ATG7: variants seen among roughly 807,000 people sequenced by gnomAD.
ATG7 encodes autophagy related 7.
ATG7 carries 70 observed loss-of-function variants against 82.4 expected under a neutral mutation model. That is an observed-to-expected ratio of 0.85 (90% CI 0.70 to 1.04). ATG7 has a LOEUF of 1.04. Among genes scored for constraint, ATG7 ranks in the 50% least tolerant of loss-of-function variants. ATG7 has a pLI of 0.00. For missense variants in ATG7, 792 were observed against 864.3 expected, an observed-to-expected ratio of 0.92 and a Z score of 1.05; for synonymous variants, 287 against 313.0, an observed-to-expected ratio of 0.92 and a Z score of 0.88.
intron 18 of ATG7, among the ~76,000 whole-genome samples, chr3:11,372,605 A>G (rs1217582970): frequency 6.6e-6 from 1 of 150,990 alleles, no homozygotes; most frequent in African/African-American, 2.4e-5. Flanking sequence ...GCCTTCTCCC[A>G]GTTCATCTCC....
chr3:11,462,399 G>A (rs2153000151), intron 20 of ATG7, among the ~76,000 whole-genome samples: 1 of 152,224 alleles, frequency 6.6e-6, no homozygotes, highest in Non-Finnish European at 1.5e-5. Context: ...AGGTCCACAG[G>A]GGAAAGACAC....
intron 13 of ATG7, among the ~76,000 whole-genome samples, chr3:11,344,468 C>T (rs1489495677): frequency 6.6e-6 from 1 of 152,218 alleles, no homozygotes; most frequent in African/African-American, 2.4e-5. Flanking sequence ...TTTATCAAGA[C>T]AAAGTATTCT....
At chr3:11,552,110 G>A (rs1323979149) in intron 20 of ATG7, among the ~76,000 whole-genome samples, 3 of 152,190 alleles carry the variant, frequency 2.0e-5, no homozygotes, top group Non-Finnish European at 4.4e-5. Flanking sequence ...ATAATTGGTT[G>A]TTGTCAATTT....
At chr3:11,359,978 G>A (rs1024767638) in intron 15 of ATG7, among the ~76,000 whole-genome samples, 1 of 152,216 alleles carries the variant, frequency 6.6e-6, no homozygotes, top group Admixed American at 6.5e-5. Context: ...GCAAGTTATA[G>A]AACTAACTTC....
intron 9 of ATG7, among the ~76,000 whole-genome samples, chr3:11,328,951 G>T (rs550435971): frequency 6.6e-6 from 1 of 152,122 alleles, no homozygotes; most frequent in Non-Finnish European, 1.5e-5. Context: ...TTAGCAGGGC[G>T]TGGTAACACA....
Position 11,360,735 on chromosome 3 carries a change from G to C in ATG7, c.1634G>C (p.Gly545Ala). The change falls in exon 16 of 21, where the codon GGT becomes GCT. Residue 545 changes from glycine (G) to alanine (A), a missense_variant. By Grantham distance (60) the Gly-to-Ala change is moderately conservative. Transcript: ENST00000693202. ...LGSSLFANIP[G>A]YKLGCYFCND... Reference sequence around the variant, plus strand: ...TCATCGCTTTTTGCCAACATCCCTGGTTACAAGCTTGGCTGCTACTTCTGC... The same window carrying C: ...TCATCGCTTTTTGCCAACATCCCTGCTTACAAGCTTGGCTGCTACTTCTGC... 1 of 1,614,156 alleles carries C rather than the reference G, an allele frequency of 6.2e-7. No individual in the cohort carries two copies. Among genetic ancestry groups the C allele is most frequent in the Non-Finnish European group, 8.5e-7 (1 of 1,180,010 alleles).
chr3:11,494,474 A>G (rs1474625872), intron 20 of ATG7, among the ~76,000 whole-genome samples: 1 of 152,242 alleles, frequency 6.6e-6, no homozygotes, highest in Non-Finnish European at 1.5e-5. Context: ...GTTAATTCAA[A>G]AGAAATCATA....
chr3:11,326,027 C>G (rs568427006), intron 9 of ATG7, among the ~76,000 whole-genome samples: 2 of 152,230 alleles, frequency 1.3e-5, no homozygotes, highest in South Asian at 2.1e-4. Flanking sequence ...CTCTAAAGTT[C>G]TATGATTCTG....
chr3:11,461,411 T>G (rs1292486603), intron 20 of ATG7, among the ~76,000 whole-genome samples: 1 of 152,192 alleles, frequency 6.6e-6, no homozygotes, highest in African/African-American at 2.4e-5. Context: ...TGCTTAGAAT[T>G]TCCACGGCGT....
intron 20 of ATG7, among the ~76,000 whole-genome samples, chr3:11,473,386 A>G (rs4684072): frequency 0.52 from 79,623 of 152,016 alleles, 21,829 homozygotes; most frequent in East Asian, 0.67. Flanking sequence ...TTTATTTTTC[A>G]TAGCATCCCT....
At chr3:11,542,114 C>T (rs1575260139) in intron 20 of ATG7, among the ~76,000 whole-genome samples, 1 of 152,226 alleles carries the variant, frequency 6.6e-6, no homozygotes, top group Non-Finnish European at 1.5e-5. Flanking sequence ...TAGCCATTCG[C>T]GTCAGCGACA....
intron 20 of ATG7, among the ~76,000 whole-genome samples, chr3:11,535,772 G>A (rs1215682374): frequency 5.3e-5 from 8 of 152,148 alleles, no homozygotes; most frequent in African/African-American, 1.9e-4. Flanking sequence ...CTCAATTCCC[G>A]CCTTCCCAAG....
intron 3 of ATG7, among the ~76,000 whole-genome samples, chr3:11,288,048 A>G (rs1014349745): frequency 8.0e-4 from 122 of 152,268 alleles, no homozygotes; most frequent in Admixed American, 2.4e-3. Context: ...TACACAGCAG[A>G]CTGTTTGAGG....
At chr3:11,497,006 C>T (rs1033301572) in intron 20 of ATG7, among the ~76,000 whole-genome samples, 9 of 151,802 alleles carry the variant, frequency 5.9e-5, no homozygotes, top group Non-Finnish European at 1.2e-4. Flanking sequence ...CGTGCACCAC[C>T]ATGCCCAGCT....
At position 11,360,577 on chromosome 3, in the gene ATG7, G is replaced by A; in HGVS notation, c.1480-4G>A. 6.2e-7 allele frequency: 1 copy of A among 1,612,128 alleles called. No homozygotes were observed. Among genetic ancestry groups the A allele is most frequent in the Non-Finnish European group, 8.5e-7 (1 of 1,179,044 alleles). ...TCTGCTCTTTCATTCCTTGAAACCT[G>A]CAGCTGGTCATCAATGCTGCTTTGG... is the stretch of plus-strand genomic sequence containing the variant. On this transcript the variant is annotated splice_region_variant and splice_polypyrimidine_tract_variant and intron_variant, in intron 15 of 20. Transcript: ENST00000693202.
rs370184345 is a variant in ATG7 at position 11,426,823 on chromosome 3, G to A, written c.1976G>A (p.Arg659Gln). The A allele has an allele frequency of 3.0e-5, 49 of 1,607,210 alleles. No individual in the cohort carries two copies. The highest frequency in any genetic ancestry group is 2.0e-4 in the Admixed American group (12 of 58,916). ...CSSKVLDQYEREGFNFLAKVF... is the reference protein window; with the variant it reads ...CSSKVLDQYEQEGFNFLAKVF... ...TTACAGGTTCTTGATCAATATGAAC[G>A]AGAAGGATTTAACTTCCTAGCCAAG... Residue 659 changes from arginine to glutamine, a missense_variant, in exon 20 of 21, where the codon CGA becomes CAA. Arg to Gln is a conservative substitution (Grantham distance 43). Coordinates refer to ENST00000693202, the MANE Select transcript of ATG7 (RefSeq NM_001349232.2).
chr3:11,490,228 G>T (rs538578758), intron 20 of ATG7, among the ~76,000 whole-genome samples: 292 of 152,328 alleles, frequency 1.9e-3, no homozygotes, highest in African/African-American at 6.6e-3. Context: ...TTACAATTAT[G>T]TAATGGCCTT....
intron 5 of ATG7, among the ~76,000 whole-genome samples, chr3:11,303,995 G>T (rs557557558): frequency 1.2e-3 from 187 of 151,982 alleles, no homozygotes; most frequent in Non-Finnish European, 2.2e-3. Context: ...GGAGGCTGAG[G>T]CAGGAGAAAG....
At chr3:11,559,477 G>A, downstream of ATG7, 1 of 1,539,870 alleles carries the variant, frequency 6.5e-7, no homozygotes, top group Non-Finnish European at 8.8e-7. Context: ...AGGGGTGTCA[G>A]TATGTGGAGA....
Sources: gnomAD v4.1 joint callset for allele counts (sites outside exome capture counted in the v4.1 genomes callset) on GRCh38, gnomAD v4.1.1 for gene constraint, MANE v1.5 for transcripts, NCBI Gene and HGNC (gene_info 2026-07-23, HGNC 2026-07-21) for gene names.